Variants in ARL10 observed in about 807,000 individuals in gnomAD.
ARL10 encodes the protein ADP-ribosylation factor-like protein 10.
In ARL10, 23 loss-of-function variants were observed where a neutral mutation model predicts 26.1. That is an observed-to-expected ratio of 0.88 (90% confidence interval 0.63 to 1.25). The LOEUF (loss-of-function observed/expected upper bound fraction) is 1.25. Ranked by LOEUF, ARL10 falls within the 50% of genes most tolerant of loss-of-function variation. The pLI, the probability that ARL10 is intolerant of heterozygous loss-of-function variation, is 0.00. For synonymous variants in ARL10, 138 were observed against 149.1 expected, an observed-to-expected ratio of 0.93 and a Z score of 0.54; for missense variants, 300 against 323.6, an observed-to-expected ratio of 0.93 and a Z score of 0.56.
In ARL10 at chr5:176,371,795, A is replaced by ATAACC; in HGVS notation, c.635_636insTAACC (p.Glu212AspfsTer95). The ATAACC allele has an allele frequency of 1.2e-6, 2 of 1,614,174 alleles. No homozygotes were observed. The highest frequency in any genetic ancestry group is 1.7e-6 in the Non-Finnish European group (2 of 1,180,036). ...CTACAGGCTATCGATAACCAGCGGG[A>ATAACC]GGTTTTCCTCTTGGCAGCCAGCATT... On this transcript the variant is annotated frameshift_variant, in exon 4 of 4. Coordinates refer to ENST00000310389, the MANE Select transcript of ARL10 (RefSeq NM_173664.6). LOFTEE classifies it high-confidence loss of function.
At chr5:176,389,020 G>A (rs1381597286), downstream of ARL10, 2 of 1,604,930 alleles carry the variant, frequency 1.2e-6, no homozygotes, top group African/African-American at 1.3e-5. Flanking sequence ...CAGTGATGTC[G>A]GAGGGAAGGA....
At chr5:176,399,118 A>AC (rs1351280624) in intron 1 of ARL10, among the ~76,000 whole-genome samples, 2 of 152,040 alleles carry the variant, frequency 1.3e-5, no homozygotes, top group Non-Finnish European at 2.9e-5. Context: ...TGCTGGGATT[A>AC]CAGGCTTGAG....
downstream of ARL10, chr5:176,384,393 C>T: frequency 6.2e-7 from 1 of 1,603,304 alleles, no homozygotes; most frequent in Non-Finnish European, 8.5e-7. Context: ...AGAAGGGCTA[C>T]TTTAAGGAGG....
intron 1 of ARL10, among the ~76,000 whole-genome samples, chr5:176,400,458 G>C (rs2113645496): frequency 6.6e-6 from 1 of 152,254 alleles, no homozygotes; most frequent in Non-Finnish European, 1.5e-5. Context: ...TGACTCCCAG[G>C]CAGGGGCTCT....
rs115172136 is a variant in ARL10 at position 176,366,789 on chromosome 5, C to A, written c.385+208C>A. On this transcript the variant is annotated intron_variant, in intron 2 of 3. Transcript: ENST00000310389. The stretch of plus-strand genomic sequence containing the variant: ...CGTGATCGGGCCTCTCCAGCTGCAC[C>A]GCCTGCCCCATCACCCCTACCAAAG... 7.3e-3 allele frequency among the ~76,000 whole-genome samples: 1,111 copies of A among 152,234 alleles called. 8 individuals are homozygous for A. The highest frequency in any genetic ancestry group is 0.013 in the Non-Finnish European group (883 of 68,022).
downstream of ARL10, chr5:176,388,720 C>A: frequency 2.0e-6 from 3 of 1,499,850 alleles, no homozygotes; most frequent in South Asian, 1.3e-5. Context: ...TTTGCGCCTG[C>A]GTACAAGGCT....
intron 3 of ARL10, among the ~76,000 whole-genome samples, chr5:176,369,988 G>A (rs868050124): frequency 6.6e-5 from 10 of 151,902 alleles, no homozygotes; most frequent in Admixed American, 3.3e-4. Context: ...GTGGAATTGG[G>A]ACGTGTAATG....
At position 176,373,423 on chromosome 5, in the gene ARL10, A is replaced by AT. The variant is rs566053106; in HGVS notation, c.*1538dup. 2,511 of 186,446 alleles carry AT rather than the reference A, an allele frequency of 0.013. 49 individuals carry two copies. Among genetic ancestry groups the AT allele is most frequent in the African/African-American group, 0.049 (2,075 of 42,680 alleles). 11.5% of individuals were successfully genotyped at this position (186,446 alleles called of 1,614,324 possible). A position where few individuals can be genotyped will look rare whatever the true frequency, so the allele number is the denominator to read the frequency against. On this transcript the variant is annotated 3_prime_UTR_variant, in exon 4 of 4. Coordinates refer to ENST00000310389, the MANE Select transcript of ARL10 (RefSeq NM_173664.6). ...CCACTAAATCAACAACCACAAATGGATTTTTTTTTTAAGAGGAGCTGTGCA... is the reference window on the plus strand; with the variant it reads ...CCACTAAATCAACAACCACAAATGGATTTTTTTTTTTAAGAGGAGCTGTGCA...
rs1768264030 is a variant in ARL10, at chr5:176,365,756, G to C, written c.183+10G>C. On this transcript the variant is annotated intron_variant, in intron 1 of 3. Coordinates refer to ENST00000310389, the MANE Select transcript of ARL10 (RefSeq NM_173664.6). Reference sequence around the variant, plus strand: ...GTGGGACGAGTGGGACGTGAGTGCCGGGCCGAGGCCTGCGGAAGGGCGGGC... The same window carrying C: ...GTGGGACGAGTGGGACGTGAGTGCCCGGCCGAGGCCTGCGGAAGGGCGGGC... 8.1e-7 allele frequency: 1 copy of C among 1,234,794 alleles called. No homozygotes were observed. The allele number at this position is 1,234,794 out of a possible 1,614,324, so 76.5% of individuals were successfully genotyped here.
chr5:176,369,044 G>A (rs1350735808), intron 3 of ARL10, 62 bp downstream of exon 3: 1 of 1,589,272 alleles, frequency 6.3e-7, no homozygotes, highest in Non-Finnish European at 8.5e-7. Context: ...CTTGGGCAGG[G>A]GCAAGGAGCG....
chr5:176,388,424 C>T lies in ARL10; in HGVS notation c.166C>T (p.Pro56Ser), dbSNP rs777675697. 4 of 1,613,946 alleles carry T rather than the reference C, an allele frequency of 2.5e-6. No homozygotes were observed. In the South Asian group the frequency reaches 4.4e-5, roughly 18 times the overall value. ...GGCCCACGGCCACCCGGAACCCCAG[C>T]CCCCTCACCATTCGATCCGCGGCGC... The change falls in exon 2 of 2, where the codon CCC becomes TCC. Residue 56 changes from proline to serine, a missense_variant. Transcript: ENST00000503175.
At chr5:176,405,438 T>C (rs535522434), downstream of ARL10, among the ~76,000 whole-genome samples, 102 of 141,492 alleles carry the variant, frequency 7.2e-4, no homozygotes, top group African/African-American at 2.7e-3. Context: ...CAGTGAGCCA[T>C]GATCACACCA....
chr5:176,366,410 C>A lies in ARL10; in HGVS notation c.214C>A (p.Leu72Met). 1 of 1,611,698 alleles carries A rather than the reference C, an allele frequency of 6.2e-7. No individual in the cohort carries two copies. The highest frequency in any genetic ancestry group is 8.5e-7 in the Non-Finnish European group (1 of 1,179,644). Residue 72 changes from leucine (L) to methionine (M), a missense_variant, in exon 2 of 4, where the codon CTG (leucine) becomes ATG (methionine). Physicochemically the swap from Leu to Met is conservative, Grantham distance 15. Transcript: ENST00000310389. ...PEDEEDEEPALEELEQREVLV... is the reference protein window; with the variant it reads ...PEDEEDEEPAMEELEQREVLV... ...GGACGAGGAGGACGAGGAGCCGGCGCTGGAGGAGCTGGAACAGCGCGAGGT... is the reference window on the plus strand; with the variant it reads ...GGACGAGGAGGACGAGGAGCCGGCGATGGAGGAGCTGGAACAGCGCGAGGT...
At chr5:176,394,536 G>A (rs537120301) in intron 1 of ARL10, among the ~76,000 whole-genome samples, 1 of 152,010 alleles carries the variant, frequency 6.6e-6, no homozygotes, top group African/African-American at 2.4e-5. Flanking sequence ...AGCTGGGTGT[G>A]GCCAGGCGCG....
At position 176,396,475 on chromosome 5, in the gene ARL10, G is replaced by A. The variant is rs373717718; in HGVS notation, c.134-5266G>A. 1.1e-4 allele frequency: 181 copies of A among 1,613,038 alleles called. 1 individual carries two copies. In the South Asian group the frequency reaches 1.2e-3, roughly 11 times the overall value. On this transcript the variant is annotated intron_variant, in intron 1 of 1. Coordinates refer to the ARL10 transcript ENST00000514533. The stretch of plus-strand genomic sequence containing the variant: ...CCCAACAGAGAAGCAAAACAGACAC[G>A]TACACGTAGCCGATGATATCAGCAT...
At chr5:176,400,596 C>T (rs548839149) in intron 1 of ARL10, among the ~76,000 whole-genome samples, 3 of 152,374 alleles carry the variant, frequency 2.0e-5, no homozygotes, top group East Asian at 1.9e-4. Flanking sequence ...GCCACACCCG[C>T]TCTGGCACCC....
chr5:176,373,921 A>T lies in ARL10; in HGVS notation c.*2026A>T, dbSNP rs1169091438. The T allele has an allele frequency of 1.3e-5, 2 of 152,238 alleles. No homozygotes were observed. Among genetic ancestry groups the T allele is most frequent in the African/African-American group, 4.8e-5 (2 of 41,476 alleles). 9.4% of individuals were successfully genotyped at this position (152,238 alleles called of 1,614,324 possible). ...AAAAGTATGTTCTGTTTTTGAGCAG[A>T]AAAAAGATTCGTGAACTGGTTAGTA... On this transcript the variant is annotated 3_prime_UTR_variant, in exon 4 of 4. Transcript: ENST00000310389.
intron 3 of ARL10, among the ~76,000 whole-genome samples, chr5:176,371,071 A>C (rs1339663166): frequency 2.0e-5 from 3 of 152,212 alleles, no homozygotes; most frequent in African/African-American, 7.2e-5. Flanking sequence ...AATGCTTGAC[A>C]CATAGGAAGT....
intron 1 of ARL10, among the ~76,000 whole-genome samples, chr5:176,387,896 G>C (rs757107387): frequency 7.2e-5 from 11 of 152,198 alleles, no homozygotes; most frequent in South Asian, 2.1e-4. Context: ...CAAAGAAAAG[G>C]TGTAAGTAAA....
Sources: allele counts gnomAD v4.1 joint callset (sites outside exome capture counted in the v4.1 genomes callset), GRCh38; gene constraint gnomAD v4.1.1; transcripts MANE v1.5; gene names NCBI Gene and HGNC (gene_info 2026-07-23, HGNC 2026-07-21).